ARHGAP12: variants seen among roughly 807,000 people sequenced by gnomAD.
The protein encoded by ARHGAP12 is Rho GTPase activating protein 12.
ARHGAP12 carries 64 observed loss-of-function variants against 108.6 expected under a neutral mutation model. The ratio of observed to expected loss-of-function variants is 0.59; its 90% CI spans 0.48 to 0.73. The LOEUF (loss-of-function observed/expected upper bound fraction) is 0.73, where lower values mean the gene tolerates loss of function less well. Ranked by LOEUF, ARHGAP12 falls within the 30% of genes least tolerant of loss-of-function variation. The pLI, the probability that ARHGAP12 is intolerant of heterozygous loss-of-function variation, is 0.00. For missense variants in ARHGAP12, 940 were observed against 1,005.9 expected (o/e 0.93, Z 0.89); for synonymous variants, 312 against 337.2 (o/e 0.93, Z 0.82).
chr10:31,813,980 G>C (rs1835108974), intron 14 of ARHGAP12, among the ~76,000 whole-genome samples: 1 of 152,136 alleles, frequency 6.6e-6, no homozygotes, highest in African/African-American at 2.4e-5. Flanking sequence ...CAGCTTCCTA[G>C]AGGCCTCAAC....
chr10:31,911,278 C>A (rs1839336160), intron 1 of ARHGAP12, among the ~76,000 whole-genome samples: 1 of 152,186 alleles, frequency 6.6e-6, no homozygotes, highest in Non-Finnish European at 1.5e-5. Context: ...CCTGCCTCAG[C>A]CTCCCAAAGT....
intron 3 of ARHGAP12, among the ~76,000 whole-genome samples, chr10:31,884,998 G>A (rs1177371907): frequency 6.6e-6 from 1 of 151,924 alleles, no homozygotes; most frequent in South Asian, 2.1e-4. Flanking sequence ...TATTTATAGA[G>A]TACATGAGAT....
intron 4 of ARHGAP12, among the ~76,000 whole-genome samples, chr10:31,857,188 C>T (rs1163493656): frequency 6.6e-6 from 1 of 152,016 alleles, no homozygotes; most frequent in African/African-American, 2.4e-5. Flanking sequence ...GCAAACGTGG[C>T]AAAATTTTAA....
Position 31,826,303 on chromosome 10 carries a change from C to A in ARHGAP12, c.1530+1G>T. 6.2e-7 allele frequency: 1 copy of A among 1,604,880 alleles called. No individual in the cohort carries two copies. ...AATCTCCAAAGAGAAGAAATACTTA[C>A]CCAACTTGTGCTACTTCCTTGAGTT... On this transcript the variant is annotated splice_donor_variant, in intron 11 of 19. Transcript: ENST00000344936. LOFTEE classifies it high-confidence loss of function.
chr10:31,834,415 A>G (rs1323500738), intron 9 of ARHGAP12, among the ~76,000 whole-genome samples: 1 of 152,204 alleles, frequency 6.6e-6, no homozygotes, highest in East Asian at 1.9e-4. Flanking sequence ...AGGACACAGC[A>G]AAAAGGAACC....
At chr10:31,851,210 C>T (rs559443450) in intron 6 of ARHGAP12, among the ~76,000 whole-genome samples, 39 of 152,022 alleles carry the variant, frequency 2.6e-4, no homozygotes, top group Non-Finnish European at 4.4e-4. Flanking sequence ...TAATATGACT[C>T]CGTAATTAAT....
chr10:31,904,824 G>A (rs983931902), intron 3 of ARHGAP12, among the ~76,000 whole-genome samples: 8 of 151,688 alleles, frequency 5.3e-5, no homozygotes, highest in Non-Finnish European at 1.0e-4. Flanking sequence ...ATGGAGTTTC[G>A]CCATGTTTCT....
intron 3 of ARHGAP12, among the ~76,000 whole-genome samples, chr10:31,903,822 T>A (rs1470133768): frequency 6.6e-6 from 1 of 151,596 alleles, no homozygotes; most frequent in Non-Finnish European, 1.5e-5. Context: ...AACATTTCAA[T>A]GAAGAGGATA....
chr10:31,896,219 C>A (rs1275543440), intron 3 of ARHGAP12, among the ~76,000 whole-genome samples: 1 of 149,034 alleles, frequency 6.7e-6, no homozygotes, highest in Non-Finnish European at 1.5e-5. Context: ...GCAGATGTAC[C>A]CAAGAACTTA....
intron 10 of ARHGAP12, among the ~76,000 whole-genome samples, chr10:31,827,348 CA>C (rs1383831163): frequency 1.3e-5 from 2 of 152,054 alleles, no homozygotes; most frequent in Non-Finnish European, 2.9e-5. Flanking sequence ...TTTCAAACAG[CA>C]GGTATGAATC....
intron 6 of ARHGAP12, 125 bp downstream of exon 6, chr10:31,852,392 T>A: frequency 1.2e-6 from 1 of 817,258 alleles, no homozygotes; most frequent in Non-Finnish European, 2.0e-6. Flanking sequence ...CACAGTGAAT[T>A]CTGAAAAAAT....
chr10:31,848,237 G>C (rs1433987570), intron 6 of ARHGAP12, among the ~76,000 whole-genome samples: 3 of 152,174 alleles, frequency 2.0e-5, no homozygotes, highest in African/African-American at 7.2e-5. Context: ...CCTAATACTA[G>C]AGTAAGAATG....
At chr10:31,854,295 A>G (rs559533196) in intron 4 of ARHGAP12, 89 bp from the exon 5 acceptor site, 9 of 1,148,996 alleles carry the variant, frequency 7.8e-6, no homozygotes, top group African/African-American at 3.1e-5. Context: ...TTACTTGACT[A>G]TAAGTATGAA....
intron 3 of ARHGAP12, among the ~76,000 whole-genome samples, chr10:31,891,486 C>T (rs907415058): frequency 1.3e-5 from 2 of 152,104 alleles, no homozygotes; most frequent in African/African-American, 4.8e-5. Flanking sequence ...GTGGGTAACC[C>T]GACCTTTCTC....
Position 31,871,446 on chromosome 10 carries a change from A to ACCTTAC in ARHGAP12, c.685-9794_685-9789dup, listed in dbSNP as rs1837539385. ...ATTCATATGCTAAGACTTAGCTGTC[A>ACCTTAC]CCTTACGGCTTGCTTCTGTCCTCCC... is the stretch of plus-strand genomic sequence containing the variant. On this transcript the variant is annotated intron_variant, in intron 3 of 19. Transcript: ENST00000344936. Among the ~76,000 whole-genome samples the ACCTTAC allele has an allele frequency of 3.3e-5, 5 of 152,138 alleles. No individual in the cohort carries two copies. In the South Asian group the frequency reaches 1.0e-3, roughly 32 times the overall value.
chr10:31,919,803 C>T (rs1270669967), intron 1 of ARHGAP12, among the ~76,000 whole-genome samples: 2 of 136,058 alleles, frequency 1.5e-5, no homozygotes, highest in African/African-American at 5.5e-5. Flanking sequence ...AAAAAAAAAA[C>T]AAAACCAAAA....
chr10:31,891,581 G>C (rs1436098101), intron 3 of ARHGAP12, among the ~76,000 whole-genome samples: 1 of 149,850 alleles, frequency 6.7e-6, no homozygotes, highest in Non-Finnish European at 1.5e-5. Flanking sequence ...TTCTCGAGGA[G>C]TATCTCTGTG....
At chr10:31,843,679 A>G (rs1411276023) in intron 6 of ARHGAP12, 93 bp from the exon 7 acceptor site, 4 of 1,386,634 alleles carry the variant, frequency 2.9e-6, no homozygotes, top group African/African-American at 1.5e-5. Context: ...AATGACAAAG[A>G]CTGTTAGGCG....
chr10:31,807,868 TAA>T (rs1426128270), intron 19 of ARHGAP12, 36 bp from the exon 20 acceptor site: 1 of 1,431,482 alleles, frequency 7.0e-7, no homozygotes, highest in East Asian at 2.4e-5. Context: ...AAAGAGAAAA[TAA>T]GAGAGAGGGA....
Sources: allele counts gnomAD v4.1 joint callset (sites outside exome capture counted in the v4.1 genomes callset), GRCh38; gene constraint gnomAD v4.1.1; transcripts MANE v1.5; gene names NCBI Gene and HGNC (gene_info 2026-07-23, HGNC 2026-07-21).